The following LUM variants were observed in gnomAD, a reference collection of about 807,000 sequenced individuals.
The protein encoded by LUM is KSPG lumican.
In LUM, 13 loss-of-function variants were observed where a neutral mutation model predicts 20.5. The observed-to-expected ratio is 0.63, with a 90% CI of 0.41 to 1.01. LUM has a LOEUF of 1.01. LUM is among the 50% of genes least tolerant of loss of function. The pLI is 0.00. For missense variants in LUM, 321 were observed against 391.1 expected (o/e 0.82, Z 1.51); for synonymous variants, 173 against 151.5 (o/e 1.14, Z -1.04).
Position 91,103,571 on chromosome 12 carries a change from G to T in LUM, c.*594C>A, listed in dbSNP as rs1171133750. On this transcript the variant is annotated 3_prime_UTR_variant, in exon 3 of 3. Transcript: ENST00000266718. ...GATGCCATTTGCTATGTTTTATTTT[G>T]CTAGTAGCTTATTAAACATAACATG... 6.6e-6 allele frequency: 1 copy of T among 151,986 alleles called. No individual in the cohort carries two copies. Among genetic ancestry groups the T allele is most frequent in the African/African-American group, 2.4e-5 (1 of 41,386 alleles). 9.4% of individuals were successfully genotyped at this position (151,986 alleles called of 1,614,324 possible).
Position 91,108,297 on chromosome 12 carries a change from A to G in LUM, c.683T>C (p.Phe228Ser). The G allele has an allele frequency of 6.2e-7, 1 of 1,614,192 alleles. No individual in the cohort carries two copies. The highest frequency in any genetic ancestry group is 1.3e-5 in the African/African-American group (1 of 75,066). ...SNIPDEYFKR[F>S]NALQYLRLSH... ...TAAACGCAGATACTGCAATGCATTA[A>G]AACGCTTGAAATACTCATCAGGGAT... The change falls in exon 2 of 3, where the codon TTT becomes TCT. Residue 228 changes from phenylalanine to serine, a missense_variant. Phe to Ser is a radical substitution (Grantham distance 155, BLOSUM62 -2). Coordinates refer to ENST00000266718, the MANE Select transcript of LUM (RefSeq NM_002345.4). The surrounding 1 kb of genome is among the most constrained non-coding windows in gnomAD (Gnocchi z 4.2).
At chr12:91,104,695 A>C (rs569231412) in intron 2 of LUM, among the ~76,000 whole-genome samples, 125 of 152,296 alleles carry the variant, frequency 8.2e-4, no homozygotes, top group African/African-American at 2.9e-3. Flanking sequence ...GAACAATCTC[A>C]GTATAAGTAC....
chr12:91,104,507 T>C (rs1222407867), intron 2 of LUM, among the ~76,000 whole-genome samples, 188 bp from the exon 3 acceptor site: 1 of 152,088 alleles, frequency 6.6e-6, no homozygotes, highest in African/African-American at 2.4e-5. Context: ...CACAGTAACA[T>C]TTAGTAAAGA....
chr12:91,103,914 C>T lies in LUM; in HGVS notation c.*251G>A, dbSNP rs1457238274. On this transcript the variant is annotated 3_prime_UTR_variant, in exon 3 of 3. Coordinates refer to ENST00000266718, the MANE Select transcript of LUM (RefSeq NM_002345.4). Reference sequence around the variant, plus strand: ...GTAAAAGGTTTTGCACATCATTTGACAGTAGAAATAAAAAAACACTAAATT... The same window carrying T: ...GTAAAAGGTTTTGCACATCATTTGATAGTAGAAATAAAAAAACACTAAATT... The T allele has an allele frequency of 6.2e-6, 2 of 321,422 alleles. No homozygotes were observed. The highest frequency in any genetic ancestry group is 9.2e-5 in the Admixed American group (2 of 21,622). 19.9% of individuals were successfully genotyped at this position (321,422 alleles called of 1,614,324 possible).
chr12:91,109,075 A>C, intron 1 of LUM, 75 bp from the exon 2 acceptor site: 1 of 1,049,936 alleles, frequency 9.5e-7, no homozygotes, highest in African/African-American at 1.6e-5. Context: ...TTGCAACATT[A>C]AATTCATTAG....
rs752546677 is a variant in LUM at position 91,108,029 on chromosome 12, A to T, written c.862+89T>A. 309 of 1,459,676 alleles carry T rather than the reference A, an allele frequency of 2.1e-4. No homozygotes were observed. The highest frequency in any genetic ancestry group is 2.7e-4 in the Non-Finnish European group (278 of 1,041,884). 90.4% of individuals were successfully genotyped at this position (1,459,676 alleles called of 1,614,324 possible). On this transcript the variant is annotated intron_variant, in intron 2 of 2. Transcript: ENST00000266718. This position sits in a 1 kb window ranked among gnomAD's most constrained non-coding sequence, Gnocchi z 4.2. The stretch of plus-strand genomic sequence containing the variant: ...CGCCCGGGCGACATTTTGTTTTTTT[A>T]ATGGAGCCAGATGCAATATCTGTGT...
chr12:91,106,225 A>T (rs7135740), intron 2 of LUM, among the ~76,000 whole-genome samples: 4,710 of 152,288 alleles, frequency 0.031, 245 homozygotes, highest in East Asian at 0.26. Flanking sequence ...AACAAACATC[A>T]TATGCATAAA....
Position 91,109,569 on chromosome 12 carries a change from G to A in LUM, c.-21-569C>T, listed in dbSNP as rs1290794041. On this transcript the variant is annotated intron_variant, in intron 1 of 2. Transcript: ENST00000266718. ...GAAGGAGAACAGAATTCTTGGTGCT[G>A]GTGTGCATGCATACTAGTTCATGTT... Among the ~76,000 whole-genome samples the A allele has an allele frequency of 2.0e-5, 3 of 152,006 alleles. No homozygotes were observed. In the East Asian group the frequency reaches 5.8e-4, roughly 29 times the overall value.
At chr12:91,110,247 T>C (rs1189058458) in intron 1 of LUM, among the ~76,000 whole-genome samples, 1 of 152,206 alleles carries the variant, frequency 6.6e-6, no homozygotes, top group African/African-American at 2.4e-5. Context: ...TCTATGAAAG[T>C]ATGATTACAA....
At position 91,107,028 on chromosome 12, in the gene LUM, CTGG is replaced by C. The variant is rs906938900; in HGVS notation, c.862+1087_862+1089del. Among the ~76,000 whole-genome samples, 3 of 150,566 alleles carry C rather than the reference CTGG, an allele frequency of 2.0e-5. No homozygotes were observed. In the East Asian group the frequency reaches 5.9e-4, roughly 29 times the overall value. On this transcript the variant is annotated intron_variant, in intron 2 of 2. Transcript: ENST00000266718. ...CTCTACTAAAAACATAAAAATTAGC[CTGG>C]TGGTGGTGGTGGCCTGAGGTGGGAG...
rs1317129237 is a variant in LUM at position 91,103,066 on chromosome 12, G to A, written c.*1099C>T. 2 of 152,040 alleles carry A rather than the reference G, an allele frequency of 1.3e-5. No individual in the cohort carries two copies. The highest frequency in any genetic ancestry group is 2.9e-5 in the Non-Finnish European group (2 of 67,948). 9.4% of individuals were successfully genotyped at this position (152,040 alleles called of 1,614,324 possible). On this transcript the variant is annotated 3_prime_UTR_variant, in exon 3 of 3. Transcript: ENST00000266718. ...AGAGTATTTATCATTGTATAGAATT[G>A]TATATACTCATAGAAAGCTGAAAGC...
intron 2 of LUM, among the ~76,000 whole-genome samples, chr12:91,107,031 G>T (rs1004395221): frequency 4.6e-5 from 7 of 150,796 alleles, no homozygotes; most frequent in Admixed American, 6.6e-5. Flanking sequence ...AATTAGCCTG[G>T]TGGTGGTGGT....
At position 91,108,336 on chromosome 12, in the gene LUM, T is replaced by C; in HGVS notation, c.644A>G (p.Asn215Ser). The change falls in exon 2 of 3, where the codon AAT (asparagine) becomes AGT (serine). Residue 215 changes from asparagine (N) to serine (S), a missense_variant. Asn to Ser is a conservative substitution (Grantham distance 46). Transcript: ENST00000266718. The surrounding 1 kb of genome is among the most constrained non-coding windows in gnomAD (Gnocchi z 4.2). ...VSLLTLYLDN[N>S]KISNIPDEYF... Reference sequence around the variant, plus strand: ...CTCATCAGGGATGTTGCTGATCTTATTGTTGTCTAAGTAGAGAGTTAGAAG... The same window carrying C: ...CTCATCAGGGATGTTGCTGATCTTACTGTTGTCTAAGTAGAGAGTTAGAAG... 6.2e-7 allele frequency: 1 copy of C among 1,614,142 alleles called. No homozygotes were observed. Among genetic ancestry groups the C allele is most frequent in the Non-Finnish European group, 8.5e-7 (1 of 1,179,992 alleles).
At chr12:91,110,550 AT>A (rs1880181949) in intron 1 of LUM, among the ~76,000 whole-genome samples, 1 of 152,206 alleles carries the variant, frequency 6.6e-6, no homozygotes, top group Non-Finnish European at 1.5e-5. Flanking sequence ...TCCCAGAGTT[AT>A]TTTAAGTTAT....
At chr12:91,105,602 C>T (rs571436303) in intron 2 of LUM, among the ~76,000 whole-genome samples, 1 of 152,162 alleles carries the variant, frequency 6.6e-6, no homozygotes, top group South Asian at 2.1e-4. Flanking sequence ...GCAAAATAAC[C>T]TAAACTGAGG....
chr12:91,106,934 G>A (rs942731372), intron 2 of LUM, among the ~76,000 whole-genome samples: 1 of 152,002 alleles, frequency 6.6e-6, no homozygotes, highest in African/African-American at 2.4e-5. Context: ...TACTTTGGGA[G>A]GCCAAGGCAG....
intron 2 of LUM, among the ~76,000 whole-genome samples, chr12:91,107,123 G>A (rs1880053045): frequency 6.8e-6 from 1 of 146,338 alleles, no homozygotes; most frequent in South Asian, 2.2e-4. Context: ...TCCAGTCTGG[G>A]CGACAGAGTG....
chr12:91,106,003 G>A (rs1481023872), intron 2 of LUM, among the ~76,000 whole-genome samples: 1 of 152,142 alleles, frequency 6.6e-6, no homozygotes, highest in Non-Finnish European at 1.5e-5. Flanking sequence ...AATCACATAT[G>A]GCCACATAGT....
rs929151483 is a variant in LUM at position 91,104,112 on chromosome 12, A to G, written c.*53T>C. Reference sequence around the variant, plus strand: ...CAGTAATAAAATATGGATACTATGAAAACTGACACACAGAAAAACATAACC... The same window carrying G: ...CAGTAATAAAATATGGATACTATGAGAACTGACACACAGAAAAACATAACC... On this transcript the variant is annotated 3_prime_UTR_variant, in exon 3 of 3. Coordinates refer to ENST00000266718, the MANE Select transcript of LUM (RefSeq NM_002345.4). The G allele has an allele frequency of 3.0e-5, 44 of 1,447,158 alleles. No individual in the cohort carries two copies. The highest frequency in any genetic ancestry group is 4.2e-5 in the Non-Finnish European group (43 of 1,032,850). 89.6% of individuals were successfully genotyped at this position (1,447,158 alleles called of 1,614,324 possible).
Sources: gnomAD v4.1 joint callset for allele counts (sites outside exome capture counted in the v4.1 genomes callset) on GRCh38, gnomAD v4.1.1 for gene constraint, Gnocchi (gnomAD v3.1) non-coding constraint, MANE v1.5 for transcripts, NCBI Gene and HGNC (gene_info 2026-07-23, HGNC 2026-07-21) for gene names.